Variants in DIS3L2 observed in about 807,000 individuals in gnomAD.
DIS3L2 encodes the protein DIS3 like 3'-5' exoribonuclease 2.
DIS3L2 carries 34 observed loss-of-function variants against 97.5 expected under a neutral mutation model. The observed-to-expected ratio is 0.35, with a 90% CI of 0.27 to 0.46. DIS3L2 has a LOEUF of 0.46. Among genes scored for constraint, DIS3L2 ranks in the 20% least tolerant of loss-of-function variants. DIS3L2 has a pLI of 1.00. For missense variants in DIS3L2, 1,038 were observed against 1,146.0 expected (o/e 0.91, Z 1.36); for synonymous variants, 435 against 445.2 (o/e 0.98, Z 0.29).
At chr2:232,330,340 T>C (rs1379076774) in intron 15 of DIS3L2, among the ~76,000 whole-genome samples, 1 of 152,122 alleles carries the variant, frequency 6.6e-6, no homozygotes, top group African/African-American at 2.4e-5. Flanking sequence ...GGTGGGTACT[T>C]TCAGGTGCTC....
At chr2:232,148,707 C>T (rs775262084) in intron 8 of DIS3L2, among the ~76,000 whole-genome samples, 60 of 147,096 alleles carry the variant, frequency 4.1e-4, no homozygotes, top group Non-Finnish European at 7.5e-4. Flanking sequence ...TTACAAAGCT[C>T]CAAAAAAGAT....
At chr2:232,132,349 A>G (rs1698244422) in intron 7 of DIS3L2, among the ~76,000 whole-genome samples, 1 of 152,240 alleles carries the variant, frequency 6.6e-6, no homozygotes, top group Admixed American at 6.5e-5. Context: ...GTGCTGTCAA[A>G]CATTAAAACA....
chr2:232,108,267 A>G (rs1697416247), intron 6 of DIS3L2, among the ~76,000 whole-genome samples: 1 of 152,232 alleles, frequency 6.6e-6, no homozygotes, highest in Non-Finnish European at 1.5e-5. Context: ...AACTAAAGAC[A>G]AAAACCACAT....
At chr2:232,190,250 C>T (rs1231276455) in intron 9 of DIS3L2, among the ~76,000 whole-genome samples, 4 of 152,048 alleles carry the variant, frequency 2.6e-5, no homozygotes, top group African/African-American at 9.7e-5. Context: ...GGGAGGATCA[C>T]CTGAGCCCAG....
intron 14 of DIS3L2, among the ~76,000 whole-genome samples, chr2:232,320,579 A>G (rs1195031085): frequency 1.3e-5 from 2 of 152,174 alleles, no homozygotes; most frequent in Admixed American, 6.5e-5. Flanking sequence ...TCTTCTGCCA[A>G]GTTCATACAC....
chr2:232,116,414 T>C (rs1477324352), intron 6 of DIS3L2, among the ~76,000 whole-genome samples: 1 of 152,146 alleles, frequency 6.6e-6, no homozygotes, highest in African/African-American at 2.4e-5. Flanking sequence ...ATTTTTTCCT[T>C]TGTTAGAGAC....
intron 6 of DIS3L2, among the ~76,000 whole-genome samples, chr2:232,097,112 G>A (rs888005175): frequency 7.9e-5 from 12 of 152,176 alleles, no homozygotes; most frequent in Admixed American, 5.2e-4. Context: ...AATCTAAGCC[G>A]TATGTGCATT....
intron 5 of DIS3L2, among the ~76,000 whole-genome samples, chr2:232,075,732 G>T (rs1394841899): frequency 6.6e-6 from 1 of 152,144 alleles, no homozygotes; most frequent in Admixed American, 6.5e-5. Context: ...TCAGGACCTT[G>T]CAATTATTTT....
rs551855855 is a variant in DIS3L2, at chr2:232,031,823, A to T, written c.366+1743A>T. Among the ~76,000 whole-genome samples the T allele has an allele frequency of 2.3e-3, 343 of 152,312 alleles. 2 individuals are homozygous for T. Among genetic ancestry groups the T allele is most frequent in the African/African-American group, 8.1e-3 (336 of 41,566 alleles). ...AGCTTCATCCATGTCCCTGCAAAGG[A>T]CATAAACTCATTCTTTTTTATGGCT... On this transcript the variant is annotated intron_variant, in intron 5 of 20. Coordinates refer to ENST00000325385, the MANE Select transcript of DIS3L2 (RefSeq NM_152383.5).
chr2:232,065,863 T>C (rs537091284), intron 5 of DIS3L2, among the ~76,000 whole-genome samples: 148 of 152,078 alleles, frequency 9.7e-4, no homozygotes, highest in African/African-American at 3.4e-3. Context: ...TTTCAGTGTA[T>C]AAGTTTTGCA....
chr2:232,010,606 A>C (rs752195625), intron 1 of DIS3L2, among the ~76,000 whole-genome samples: 1 of 151,358 alleles, frequency 6.6e-6, no homozygotes, highest in Non-Finnish European at 1.5e-5. Flanking sequence ...TCTCTCTCTA[A>C]ACCTGTCTTT....
At chr2:232,110,393 C>T (rs548969190) in intron 6 of DIS3L2, among the ~76,000 whole-genome samples, 9 of 152,186 alleles carry the variant, frequency 5.9e-5, no homozygotes, top group South Asian at 2.1e-4. Flanking sequence ...CACATGCATG[C>T]GTATGTTCAT....
intron 8 of DIS3L2, among the ~76,000 whole-genome samples, chr2:232,137,118 C>T (rs1482883565): frequency 6.6e-6 from 1 of 152,150 alleles, no homozygotes; most frequent in Non-Finnish European, 1.5e-5. Context: ...GGCTCCTTTG[C>T]TTTAAAATAT....
chr2:232,246,723 G>A (rs35588746), intron 11 of DIS3L2, among the ~76,000 whole-genome samples: 20,977 of 152,242 alleles, frequency 0.14, 1,947 homozygotes, highest in East Asian at 0.37. Flanking sequence ...TTTAGACCTT[G>A]TTGTATTTTT....
At chr2:232,315,988 G>A (rs1046133249) in intron 14 of DIS3L2, among the ~76,000 whole-genome samples, 4 of 152,216 alleles carry the variant, frequency 2.6e-5, no homozygotes, top group African/African-American at 9.6e-5. Context: ...GTAGGGGGTA[G>A]GTGCCAAACT....
At chr2:232,098,703 T>A (rs528801671) in intron 6 of DIS3L2, among the ~76,000 whole-genome samples, 18 of 152,316 alleles carry the variant, frequency 1.2e-4, no homozygotes, top group African/African-American at 3.8e-4. Context: ...ATTGCTTTTT[T>A]AATATCATTT....
intron 12 of DIS3L2, chr2:232,260,159 C>G (rs1693677914): frequency 6.6e-6 from 1 of 152,272 alleles, no homozygotes; most frequent in African/African-American, 2.4e-5. Flanking sequence ...AACTGACGTT[C>G]CCTGAGCATG....
chr2:232,198,196 A>G (rs1018816665), intron 9 of DIS3L2, among the ~76,000 whole-genome samples: 3 of 152,092 alleles, frequency 2.0e-5, no homozygotes, highest in Admixed American at 1.3e-4. Context: ...AACACCCACC[A>G]TTGTTATAAT....
At chr2:232,047,321 T>C (rs1030275412) in intron 5 of DIS3L2, among the ~76,000 whole-genome samples, 10 of 152,210 alleles carry the variant, frequency 6.6e-5, no homozygotes, top group African/African-American at 2.4e-4. Flanking sequence ...ATAGCTGCTC[T>C]TTCTGTAGTT....
Sources: allele counts gnomAD v4.1 joint callset (sites outside exome capture counted in the v4.1 genomes callset), GRCh38; gene constraint gnomAD v4.1.1; transcripts MANE v1.5; gene names NCBI Gene and HGNC (gene_info 2026-07-23, HGNC 2026-07-21).